Variants in FHAD1 observed in about 807,000 individuals in gnomAD.
FHAD1 encodes forkhead associated phosphopeptide binding domain 1.
Under a neutral mutation model 191.3 loss-of-function variants are expected in FHAD1, and 146 were observed. The ratio of observed to expected loss-of-function variants is 0.76; its 90% CI spans 0.67 to 0.88. FHAD1 has a LOEUF of 0.88. Ranked by LOEUF, FHAD1 falls within the 40% of genes least tolerant of loss-of-function variation. The pLI, the probability that FHAD1 is intolerant of heterozygous loss-of-function variation, is 0.00. For synonymous variants in FHAD1, 616 were observed against 672.3 expected (o/e 0.92, Z 1.29); for missense variants, 1,635 against 1,785.8 (o/e 0.92, Z 1.52).
intron 5 of FHAD1, among the ~76,000 whole-genome samples, chr1:15,299,004 G>A (rs1260388422): frequency 1.4e-5 from 2 of 144,144 alleles, no homozygotes; most frequent in African/African-American, 5.4e-5. Flanking sequence ...CTCGATTTCT[G>A]CAAAAAAAAA....
intron 3 of FHAD1, among the ~76,000 whole-genome samples, chr1:15,280,568 G>C (rs1185561966): frequency 6.6e-6 from 1 of 152,106 alleles, no homozygotes; most frequent in Non-Finnish European, 1.5e-5. Context: ...TGGTGAAACA[G>C]AACACGGACG....
intron 19 of FHAD1, among the ~76,000 whole-genome samples, chr1:15,349,750 C>G (rs957395932): frequency 6.6e-6 from 1 of 152,212 alleles, no homozygotes; most frequent in African/African-American, 2.4e-5. Context: ...TCAGTGCCTT[C>G]TGGAATGGAC....
chr1:15,297,887 TA>T (rs1667459987), intron 5 of FHAD1, among the ~76,000 whole-genome samples: 1 of 152,170 alleles, frequency 6.6e-6, no homozygotes, highest in Admixed American at 6.5e-5. Flanking sequence ...TTCTTTTTTT[TA>T]ATTTTTCCAT....
chr1:15,342,513 C>T (rs531843784), intron 16 of FHAD1, among the ~76,000 whole-genome samples: 3 of 152,258 alleles, frequency 2.0e-5, no homozygotes, highest in African/African-American at 4.8e-5. Context: ...GAAGGTTTTC[C>T]CAAAGTTTCC....
intron 4 of FHAD1, among the ~76,000 whole-genome samples, chr1:15,293,514 CTG>C (rs1558025741): frequency 1.2e-4 from 19 of 152,194 alleles, no homozygotes; most frequent in Non-Finnish European, 2.6e-4. Flanking sequence ...GGTCGGGAGT[CTG>C]AGACCAGCCT....
At chr1:15,346,792 C>T (rs1308730353) in intron 18 of FHAD1, among the ~76,000 whole-genome samples, 3 of 152,192 alleles carry the variant, frequency 2.0e-5, no homozygotes, top group East Asian at 1.9e-4. Context: ...AGTTCAAATC[C>T]GAGCTGGGCT....
chr1:15,322,842 C>T lies in FHAD1; in HGVS notation c.1366-1610C>T, dbSNP rs190804792. ...TAGCCTCAGACCATGTGTATTAGTC[C>T]GTTTTCACACCGCTGTTAAAGACAC... On this transcript the variant is annotated intron_variant, in intron 10 of 33. Coordinates refer to ENST00000688493, the MANE Select transcript of FHAD1 (RefSeq NM_001391957.1). Among the ~76,000 whole-genome samples the T allele has an allele frequency of 6.8e-4, 103 of 152,266 alleles. 1 individual carries two copies. The highest frequency in any genetic ancestry group is 2.6e-3 in the Admixed American group (40 of 15,300).
chr1:15,329,911 G>A lies in FHAD1; in HGVS notation c.1906+370G>A, dbSNP rs764862616. ...CTCAGTTTCCCTATCTGTAAAATGA[G>A]GCTAATAGGGAGTACCCACCCTTTA... On this transcript the variant is annotated intron_variant, in intron 14 of 33. Coordinates refer to ENST00000688493, the MANE Select transcript of FHAD1 (RefSeq NM_001391957.1). This position sits in a 1 kb window ranked among gnomAD's most constrained non-coding sequence, Gnocchi z 5.0. 59 of 238,638 alleles carry A rather than the reference G, an allele frequency of 2.5e-4. No individual in the cohort carries two copies. Among genetic ancestry groups the A allele is most frequent in the Admixed American group, 1.3e-3 (26 of 20,440 alleles). 14.8% of individuals were successfully genotyped at this position (238,638 alleles called of 1,614,324 possible). A position where few individuals can be genotyped will look rare whatever the true frequency, so the allele number is the denominator to read the frequency against.
At chr1:15,383,232 T>C in intron 31 of FHAD1, 2 of 470,874 alleles carry the variant, frequency 4.2e-6, no homozygotes, top group Non-Finnish European at 8.8e-6. Flanking sequence ...CGCTATCTGC[T>C]GTCCACTCTC....
intron 14 of FHAD1, chr1:15,335,371 C>G (rs1056157988): frequency 2.0e-5 from 3 of 152,102 alleles, no homozygotes; most frequent in African/African-American, 7.2e-5. Flanking sequence ...GACTTTGTTA[C>G]AAATAAAAGA....
rs1686807327 is a variant in FHAD1, at chr1:15,341,826, G to C, written c.2068G>C (p.Glu690Gln). The C allele has an allele frequency of 6.4e-7, 1 of 1,551,764 alleles. No individual in the cohort carries two copies. The highest frequency in any genetic ancestry group is 1.4e-5 in the African/African-American group (1 of 73,062). ...GGCAGAGAAGGAGAAGCTGAACGAG[G>C]AGAGGCTAGAGCAAGAGGAGAAGCT... ...HLAEKEKLNE[E>Q]RLEQEEKLKA... Residue 690 changes from glutamate to glutamine, a missense_variant, in exon 16 of 34, where the codon GAG becomes CAG. Physicochemically the swap from Glu to Gln is conservative, Grantham distance 29. Transcript: ENST00000688493.
At position 15,251,768 on chromosome 1, in the gene FHAD1, T is replaced by A. The variant is rs1386633899; in HGVS notation, c.-14-3T>A. 1.9e-6 allele frequency: 3 copies of A among 1,543,186 alleles called. No homozygotes were observed. The highest frequency in any genetic ancestry group is 2.6e-6 in the Non-Finnish European group (3 of 1,144,334). On this transcript the variant is annotated splice_region_variant and splice_polypyrimidine_tract_variant and intron_variant, in intron 1 of 33. Coordinates refer to ENST00000688493, the MANE Select transcript of FHAD1 (RefSeq NM_001391957.1). Reference sequence around the variant, plus strand: ...CAAAATTCTTTCTGAAAACCTTATGTAGGGAAAACAGAGAGGATGAAGGCC... The same window carrying A: ...CAAAATTCTTTCTGAAAACCTTATGAAGGGAAAACAGAGAGGATGAAGGCC...
chr1:15,343,914 G>C lies in FHAD1; in HGVS notation c.2131-1169G>C, dbSNP rs112917840. ...TTGGATGGACTTTTTCCCTTGTCAG[G>C]GTTTGGTATTTCAGCCCCACCATGT... On this transcript the variant is annotated intron_variant, in intron 16 of 33. Coordinates refer to ENST00000688493, the MANE Select transcript of FHAD1 (RefSeq NM_001391957.1). 10 of 152,256 alleles carry C rather than the reference G, an allele frequency of 6.6e-5. 1 individual carries two copies. Among genetic ancestry groups the C allele is most frequent in the African/African-American group, 2.4e-4 (10 of 41,546 alleles). The allele number at this position is 152,256 out of a possible 1,614,324, so 9.4% of individuals were successfully genotyped here. A position where few individuals can be genotyped will look rare whatever the true frequency, so the allele number is the denominator to read the frequency against.
At chr1:15,272,762 T>C (rs557728015) in intron 3 of FHAD1, among the ~76,000 whole-genome samples, 4 of 152,300 alleles carry the variant, frequency 2.6e-5, no homozygotes, top group African/African-American at 7.2e-5. Flanking sequence ...GCATCTTGGC[T>C]CACATAGAAC....
rs917563496 is a variant in FHAD1, at chr1:15,349,623, G to A, written c.2454+474G>A. Among the ~76,000 whole-genome samples, 18 of 152,348 alleles carry A rather than the reference G, an allele frequency of 1.2e-4. 1 individual carries two copies. The highest frequency in any genetic ancestry group is 3.4e-3 in the Middle Eastern group (1 of 294). On this transcript the variant is annotated intron_variant, in intron 19 of 33. Transcript: ENST00000688493. ...CCGGCCTCCTGGTGTCATGGACTCC[G>A]GAGCAGGCCCTCCCTTGACTGGCTG...
chr1:15,284,826 T>C (rs1661860433), intron 3 of FHAD1, among the ~76,000 whole-genome samples: 1 of 151,722 alleles, frequency 6.6e-6, no homozygotes, highest in Non-Finnish European at 1.5e-5. Flanking sequence ...TTTTAGACAG[T>C]GTGGGAGAGA....
chr1:15,393,587 G>T (rs1704937314), intron 33 of FHAD1, among the ~76,000 whole-genome samples: 1 of 151,660 alleles, frequency 6.6e-6, no homozygotes, highest in Admixed American at 6.6e-5. Flanking sequence ...CTGCCTGCCT[G>T]CCTGGCTTAC....
intron 26 of FHAD1, among the ~76,000 whole-genome samples, chr1:15,370,091 C>T (rs753606641): frequency 2.0e-5 from 3 of 152,204 alleles, no homozygotes; most frequent in African/African-American, 4.8e-5. Context: ...ATCCTCCTGC[C>T]TCAGCCTCCC....
chr1:15,346,800 G>GC (rs1202035043), intron 18 of FHAD1, among the ~76,000 whole-genome samples: 2 of 152,210 alleles, frequency 1.3e-5, no homozygotes, highest in Non-Finnish European at 2.9e-5. Flanking sequence ...TCCGAGCTGG[G>GC]CTACTTCCTG....
Sources: allele counts gnomAD v4.1 joint callset (sites outside exome capture counted in the v4.1 genomes callset), GRCh38; gene constraint gnomAD v4.1.1; non-coding constraint Gnocchi (gnomAD v3.1); transcripts MANE v1.5; gene names NCBI Gene and HGNC (gene_info 2026-07-23, HGNC 2026-07-21).